GABRB1: variants seen among roughly 807,000 people sequenced by gnomAD.
GABRB1 encodes gamma-aminobutyric acid type A receptor subunit beta1.
In GABRB1, 17 loss-of-function variants were observed where a neutral mutation model predicts 51.6. That is an observed-to-expected ratio of 0.33 (90% confidence interval 0.23 to 0.49). The LOEUF is 0.49. Among genes scored for constraint, GABRB1 ranks in the 20% least tolerant of loss-of-function variants. The probability of loss-of-function intolerance (pLI) is 0.99; values close to 1 mark genes in which losing one functional copy is unlikely to be tolerated. For missense variants in GABRB1, 410 were observed against 600.6 expected (o/e 0.68, Z 3.32); for synonymous variants, 247 against 218.9 (o/e 1.13, Z -1.14).
At chr4:47,228,506 G>T (rs997037006) in intron 4 of GABRB1, among the ~76,000 whole-genome samples, 1 of 151,660 alleles carries the variant, frequency 6.6e-6, no homozygotes, top group African/African-American at 2.4e-5. Context: ...CTTTAATTTT[G>T]GACATTATGT....
chr4:47,311,857 C>T (rs1375389701), intron 4 of GABRB1, among the ~76,000 whole-genome samples: 4 of 152,050 alleles, frequency 2.6e-5, no homozygotes, highest in African/African-American at 2.4e-5. Context: ...ACCCGCAATC[C>T]ATTATTTGTG....
At chr4:47,320,591 A>G (rs1219444826) in intron 5 of GABRB1, among the ~76,000 whole-genome samples, 1 of 152,088 alleles carries the variant, frequency 6.6e-6, no homozygotes, top group Admixed American at 6.6e-5. Flanking sequence ...TTTTAGAAAA[A>G]CATTATGTTG....
At chr4:47,274,984 T>C (rs1723025448) in intron 4 of GABRB1, among the ~76,000 whole-genome samples, 1 of 152,192 alleles carries the variant, frequency 6.6e-6, no homozygotes, top group Admixed American at 6.5e-5. Context: ...CAAATTGTAT[T>C]CGTGTTTTCC....
intron 4 of GABRB1, among the ~76,000 whole-genome samples, chr4:47,252,509 T>C (rs957399127): frequency 3.5e-5 from 5 of 144,112 alleles, no homozygotes; most frequent in African/African-American, 1.3e-4. Context: ...GCAATTGCCT[T>C]TTTTTTTTTT....
At chr4:47,266,498 A>C (rs1162943373) in intron 4 of GABRB1, among the ~76,000 whole-genome samples, 2 of 152,200 alleles carry the variant, frequency 1.3e-5, no homozygotes, top group East Asian at 3.9e-4. Flanking sequence ...GCAATTAATT[A>C]ATTACAATTT....
chr4:47,285,798 T>A (rs866294386), intron 4 of GABRB1, among the ~76,000 whole-genome samples: 1 of 152,214 alleles, frequency 6.6e-6, no homozygotes, highest in Non-Finnish European at 1.5e-5. Flanking sequence ...AAAGGCCTGG[T>A]ACATAGTTAA....
At chr4:47,007,836 T>C (rs1724451655) in intron 1 of GABRB1, among the ~76,000 whole-genome samples, 7 of 138,966 alleles carry the variant, frequency 5.0e-5, no homozygotes, top group Admixed American at 4.7e-4. Context: ...CAGCATTAAG[T>C]ACCATTAAAG....
chr4:47,125,559 C>CTTTTTTTTTTTTTTTTTTTTTT lies in GABRB1; in HGVS notation c.241-35676_241-35675insTTTTTTTTTTTTTTTTTTTTTT, dbSNP rs71195605. Among the ~76,000 whole-genome samples, 5 of 80,696 alleles carry CTTTTTTTTTTTTTTTTTTTTTT rather than the reference C, an allele frequency of 6.2e-5. 1 individual carries two copies. Among genetic ancestry groups the CTTTTTTTTTTTTTTTTTTTTTT allele is most frequent in the South Asian group, 8.8e-4 (2 of 2,264 alleles). The allele number at this position is 80,696 out of a possible 152,430, so 52.9% of individuals were successfully genotyped here. On this transcript the variant is annotated intron_variant, in intron 3 of 8. Coordinates refer to ENST00000295454, the MANE Select transcript of GABRB1 (RefSeq NM_000812.4). ...CTCTAGACACAACAAAGTATAATTT[C>CTTTTTTTTTTTTTTTTTTTTTT]TTTTTTTTTTTTTTGAGACGGAGTC... is the stretch of plus-strand genomic sequence containing the variant.
intron 5 of GABRB1, among the ~76,000 whole-genome samples, chr4:47,353,736 G>C (rs115778061): frequency 0.021 from 3,126 of 152,172 alleles, 87 homozygotes; most frequent in African/African-American, 0.071. Flanking sequence ...TATAAAAACA[G>C]CAGTCCCTTA....
chr4:47,119,765 TCCCAAA>T (rs1445520812), intron 3 of GABRB1, among the ~76,000 whole-genome samples: 1 of 152,120 alleles, frequency 6.6e-6, no homozygotes, highest in Non-Finnish European at 1.5e-5. Context: ...CACCTCGGCC[TCCCAAA>T]GTGCTAGGAT....
chr4:47,409,106 G>T (rs1728675075), intron 8 of GABRB1, among the ~76,000 whole-genome samples: 1 of 152,202 alleles, frequency 6.6e-6, no homozygotes. Flanking sequence ...AGACGGGCAG[G>T]TGTGGGAGCC....
intron 1 of GABRB1, among the ~76,000 whole-genome samples, chr4:47,017,180 T>C (rs1445702025): frequency 6.6e-6 from 1 of 152,196 alleles, no homozygotes; most frequent in Non-Finnish European, 1.5e-5. Context: ...TGTTTTATAG[T>C]TTATGCGTTT....
chr4:47,052,038 A>G (rs944722621), intron 3 of GABRB1, among the ~76,000 whole-genome samples: 1 of 152,166 alleles, frequency 6.6e-6, no homozygotes, highest in Non-Finnish European at 1.5e-5. Context: ...CTGAGGCAGT[A>G]GAATCTGCTT....
intron 5 of GABRB1, among the ~76,000 whole-genome samples, chr4:47,343,961 T>C (rs932654232): frequency 3.9e-5 from 6 of 152,228 alleles, no homozygotes; most frequent in East Asian, 1.9e-4. Flanking sequence ...AAAAGCTAGC[T>C]TTTTAATCTC....
chr4:47,039,393 G>C (rs1725735375), intron 3 of GABRB1, among the ~76,000 whole-genome samples: 2 of 149,656 alleles, frequency 1.3e-5, no homozygotes, highest in African/African-American at 4.9e-5. Flanking sequence ...ACTAGATATG[G>C]TCTCTGTTCT....
At chr4:47,130,665 T>C (rs1716373667) in intron 3 of GABRB1, among the ~76,000 whole-genome samples, 1 of 152,210 alleles carries the variant, frequency 6.6e-6, no homozygotes, top group Non-Finnish European at 1.5e-5. Context: ...TGTAATTTTA[T>C]ATTTAATTGT....
intron 4 of GABRB1, among the ~76,000 whole-genome samples, chr4:47,162,211 A>C (rs1717987543): frequency 6.6e-6 from 1 of 152,058 alleles, no homozygotes; most frequent in Non-Finnish European, 1.5e-5. Flanking sequence ...AAAGCCTACT[A>C]ATCCAAGATT....
chr4:47,152,194 G>A (rs1717490182), intron 3 of GABRB1, among the ~76,000 whole-genome samples: 2 of 151,822 alleles, frequency 1.3e-5, no homozygotes, highest in Admixed American at 1.3e-4. Flanking sequence ...TGTTTTATAA[G>A]GATGAACAAT....
At chr4:47,195,610 C>T (rs1362560650) in intron 4 of GABRB1, among the ~76,000 whole-genome samples, 3 of 152,126 alleles carry the variant, frequency 2.0e-5, no homozygotes, top group African/African-American at 7.2e-5. Flanking sequence ...ATTAAAATTT[C>T]AGACTATAAT....
Sources: allele counts gnomAD v4.1 joint callset (sites outside exome capture counted in the v4.1 genomes callset), GRCh38; gene constraint gnomAD v4.1.1; transcripts MANE v1.5; gene names NCBI Gene and HGNC (gene_info 2026-07-23, HGNC 2026-07-21).